Variants in TDRP observed in about 807,000 individuals in gnomAD.
The protein encoded by TDRP is testis development related protein, also known as testis development-related protein.
A neutral mutation model predicts 10.5 loss-of-function variants in TDRP; 12 were observed. That is an observed-to-expected ratio of 1.15 (90% CI 0.73 to 1.86). The LOEUF is 1.86. Among genes scored for constraint, TDRP ranks in the 40% most tolerant of loss-of-function variants. The pLI is 0.00. For synonymous variants in TDRP, 139 were observed against 95.4 expected (o/e 1.46, Z -2.67); for missense variants, 353 against 229.2 (o/e 1.54, Z -3.49).
At chr8:510,003 G>C (rs892616973) in intron 1 of TDRP, among the ~76,000 whole-genome samples, 2 of 152,186 alleles carry the variant, frequency 1.3e-5, no homozygotes, top group African/African-American at 4.8e-5. Flanking sequence ...CTGGGTGACA[G>C]AGCAACCGAA....
At chr8:518,295 G>A (rs1328886666) in intron 1 of TDRP, among the ~76,000 whole-genome samples, 3 of 152,138 alleles carry the variant, frequency 2.0e-5, no homozygotes, top group Admixed American at 1.3e-4. Flanking sequence ...ATAAAAAAGA[G>A]TCTATTGAAA....
intron 1 of TDRP, among the ~76,000 whole-genome samples, chr8:502,330 T>C (rs1281245152): frequency 1.3e-5 from 2 of 152,074 alleles, no homozygotes; most frequent in Non-Finnish European, 2.9e-5. Flanking sequence ...TGAGACCAAA[T>C]CCCACAGTCA....
chr8:496,797 G>A (rs1043468273), intron 1 of TDRP, among the ~76,000 whole-genome samples: 7 of 152,178 alleles, frequency 4.6e-5, no homozygotes, highest in African/African-American at 1.2e-4. Context: ...GGAGATGACT[G>A]GATCATGGGG....
chr8:498,625 A>G (rs1185342645), intron 1 of TDRP, among the ~76,000 whole-genome samples: 8 of 152,146 alleles, frequency 5.3e-5, no homozygotes, highest in Non-Finnish European at 1.2e-4. Flanking sequence ...ATGAGTTAAG[A>G]TTTTGGGGGA....
At chr8:507,040 G>A (rs2116762752) in intron 1 of TDRP, among the ~76,000 whole-genome samples, 1 of 152,244 alleles carries the variant, frequency 6.6e-6, no homozygotes, top group South Asian at 2.1e-4. Context: ...GGAAGCTTTG[G>A]GAAACTTACA....
intron 2 of TDRP, among the ~76,000 whole-genome samples, chr8:494,097 T>C (rs1009089832): frequency 6.6e-5 from 10 of 150,582 alleles, no homozygotes. Flanking sequence ...GCTGGGATTA[T>C]AGGCACATGC....
In TDRP at chr8:492,125, A is replaced by G. The variant is rs935115993; in HGVS notation, c.*274T>C. On this transcript the variant is annotated 3_prime_UTR_variant, in exon 3 of 3. Coordinates refer to ENST00000324079, the MANE Select transcript of TDRP (RefSeq NM_001384899.1). ...AATCATTACTGCTGTATTATGGGAG[A>G]GCATCATAAATTCACATCTCCAGTT... 1 of 1,235,182 alleles carries G rather than the reference A, an allele frequency of 8.1e-7. No individual in the cohort carries two copies. Among genetic ancestry groups the G allele is most frequent in the Non-Finnish European group, 1.0e-6 (1 of 989,838 alleles). 76.5% of individuals were successfully genotyped at this position (1,235,182 alleles called of 1,614,324 possible). A position where few individuals can be genotyped will look rare whatever the true frequency, so the allele number is the denominator to read the frequency against.
chr8:494,547 G>GT lies in TDRP; in HGVS notation c.158dup (p.Asn53LysfsTer4). On this transcript the variant is annotated frameshift_variant, in exon 2 of 3. Coordinates refer to ENST00000324079, the MANE Select transcript of TDRP (RefSeq NM_001384899.1). LOFTEE classifies it high-confidence loss of function. ...CCAGGAGATGCTGCTCATCATCTTTGTTAAACAGTGAAGTCACTTCTTTCC... is the reference window on the plus strand; with the variant it reads ...CCAGGAGATGCTGCTCATCATCTTTGTTTAAACAGTGAAGTCACTTCTTTCC... 1 of 1,613,904 alleles carries GT rather than the reference G, an allele frequency of 6.2e-7. No homozygotes were observed. Among genetic ancestry groups the GT allele is most frequent in the Non-Finnish European group, 8.5e-7 (1 of 1,179,872 alleles).
exon 1 of TDRP, chr8:544,828 ACGCTCTGCCTGCGGCTCCTGC>A: frequency 9.0e-7 from 1 of 1,112,052 alleles, no homozygotes; most frequent in Non-Finnish European, 1.1e-6. Flanking sequence ...CGGCCGCCGG[ACGCTCTGCCTGCGGCTCCTGC>A]GGGACGCGGG....
chr8:510,311 G>A (rs887640063), intron 1 of TDRP, among the ~76,000 whole-genome samples: 6 of 152,044 alleles, frequency 3.9e-5, no homozygotes, highest in Non-Finnish European at 7.4e-5. Context: ...CCCCCATCCC[G>A]AGGCTATCTA....
rs1277314650 is a variant in TDRP, at chr8:492,610, A to G, written c.347T>C (p.Leu116Pro). ...IEGWEPPKLA[L>P]EDISADPEDT... ...CTCAGGGTCAGCCGATATGTCTTCAAGAGCAAGTTTTGGAGGCTCCCAACC... is the reference window on the plus strand; with the variant it reads ...CTCAGGGTCAGCCGATATGTCTTCAGGAGCAAGTTTTGGAGGCTCCCAACC... The change falls in exon 3 of 3, where the codon CTT (leucine) becomes CCT (proline). Residue 116 changes from leucine to proline, a missense_variant. Coordinates refer to ENST00000324079, the MANE Select transcript of TDRP (RefSeq NM_001384899.1). 2.5e-6 allele frequency: 4 copies of G among 1,613,918 alleles called. No individual in the cohort carries two copies. In the African/African-American group the frequency reaches 4.0e-5, roughly 16 times the overall value.
rs1801014507 is a variant in TDRP, at chr8:492,659, A to C, written c.298T>G (p.Ser100Ala). Residue 100 changes from serine (S) to alanine (A), a missense_variant, in exon 3 of 3, where the codon TCT becomes GCT. Coordinates refer to ENST00000324079, the MANE Select transcript of TDRP (RefSeq NM_001384899.1). ...DNLVLKQNIQ[S>A]KKPDEIEGWE... Reference sequence around the variant, plus strand: ...CCTTCAATTTCATCTGGTTTTTTAGACTGTATATTCTGTTTTAAAACCAAA... The same window carrying C: ...CCTTCAATTTCATCTGGTTTTTTAGCCTGTATATTCTGTTTTAAAACCAAA... The C allele has an allele frequency of 1.9e-6, 3 of 1,613,798 alleles. No homozygotes were observed. The highest frequency in any genetic ancestry group is 2.5e-6 in the Non-Finnish European group (3 of 1,179,876).
In TDRP at chr8:491,047, C is replaced by G. The variant is rs186840623; in HGVS notation, c.*1352G>C. 6.6e-6 allele frequency: 1 copy of G among 152,302 alleles called. No homozygotes were observed. The highest frequency in any genetic ancestry group is 2.4e-5 in the African/African-American group (1 of 41,556). The allele number at this position is 152,302 out of a possible 1,614,324, so 9.4% of individuals were successfully genotyped here. A position where few individuals can be genotyped will look rare whatever the true frequency, so the allele number is the denominator to read the frequency against. On this transcript the variant is annotated 3_prime_UTR_variant, in exon 3 of 3. Coordinates refer to ENST00000324079, the MANE Select transcript of TDRP (RefSeq NM_001384899.1). ...AAAGTAATTGCTGTTTTTTGCATAA[C>G]AGATGACAGATCAAGTAAACCTGTT... is the stretch of plus-strand genomic sequence containing the variant.
At chr8:536,127 G>C (rs923251037) in intron 1 of TDRP, among the ~76,000 whole-genome samples, 1 of 152,228 alleles carries the variant, frequency 6.6e-6, no homozygotes. Context: ...AGATTATACA[G>C]AGTAATATGC....
At chr8:543,762 G>C (rs1207908303) in intron 1 of TDRP, among the ~76,000 whole-genome samples, 3 of 152,118 alleles carry the variant, frequency 2.0e-5, no homozygotes, top group South Asian at 4.2e-4. Context: ...CTATTTCCAA[G>C]TCCTCGGAAG....
At chr8:504,469 C>A (rs982556338) in intron 1 of TDRP, among the ~76,000 whole-genome samples, 1 of 152,172 alleles carries the variant, frequency 6.6e-6, no homozygotes, top group Non-Finnish European at 1.5e-5. Context: ...AAGAAACCCA[C>A]TCACCAAGTG....
chr8:541,651 G>C (rs915036701), intron 1 of TDRP, among the ~76,000 whole-genome samples: 2 of 152,212 alleles, frequency 1.3e-5, no homozygotes, highest in Non-Finnish European at 2.9e-5. Context: ...GTATGCGTCT[G>C]AAAAGATGCT....
intron 1 of TDRP, among the ~76,000 whole-genome samples, chr8:530,675 T>C (rs1802168529): frequency 6.6e-6 from 1 of 152,186 alleles, no homozygotes; most frequent in Non-Finnish European, 1.5e-5. Flanking sequence ...GCACTGCAAG[T>C]TGTCTGGCAG....
intron 1 of TDRP, among the ~76,000 whole-genome samples, chr8:541,155 G>A (rs772995481): frequency 6.6e-6 from 1 of 152,142 alleles, no homozygotes; most frequent in African/African-American, 2.4e-5. Flanking sequence ...TTCTAAGTTA[G>A]CTTTGCAATA....
Sources: allele counts gnomAD v4.1 joint callset (sites outside exome capture counted in the v4.1 genomes callset), GRCh38; gene constraint gnomAD v4.1.1; transcripts MANE v1.5; gene names NCBI Gene and HGNC (gene_info 2026-07-23, HGNC 2026-07-21).